Variants in TDP1 observed in about 807,000 individuals in gnomAD.
TDP1 encodes tyrosyl-DNA phosphodiesterase 1.
Under a neutral mutation model 81.5 loss-of-function variants are expected in TDP1, and 64 were observed. The observed-to-expected ratio is 0.79, with a 90% CI of 0.64 to 0.97. The LOEUF is 0.97. TDP1 is among the 50% of genes least tolerant of loss of function. The pLI, the probability that TDP1 is intolerant of heterozygous loss-of-function variation, is 0.00. For missense variants in TDP1, 723 were observed against 743.8 expected, an observed-to-expected ratio of 0.97 and a Z score of 0.33; for synonymous variants, 256 against 264.3, an observed-to-expected ratio of 0.97 and a Z score of 0.30.
intron 10 of TDP1, 44 bp downstream of exon 10, chr14:89,985,254 G>A (rs1020561268): frequency 2.7e-6 from 3 of 1,118,148 alleles, no homozygotes; most frequent in Admixed American, 3.8e-5. Context: ...AAAATTTAAT[G>A]TATATTCTCT....
rs1194905418 is a variant in TDP1 at position 89,971,261 on chromosome 14, C to G, written c.746C>G (p.Ser249Cys). Residue 249 changes from serine (S) to cysteine (C), a missense_variant, in exon 6 of 17, where the codon TCT becomes TGT. Physicochemically the swap from Ser to Cys is moderately radical, Grantham distance 112 (BLOSUM62 -1). Coordinates refer to ENST00000335725, the MANE Select transcript of TDP1 (RefSeq NM_018319.4). The part of the protein sequence containing the change: ...HAQAKPYENI[S>C]LCQAKLDIAF... ...CAGGCCAAGCCTTACGAGAACATCT[C>G]TCTCTGCCAGGTAAGCCACTTACTG... 1.2e-6 allele frequency: 2 copies of G among 1,613,946 alleles called. No individual in the cohort carries two copies. The highest frequency in any genetic ancestry group is 1.3e-5 in the African/African-American group (1 of 75,052).
intron 3 of TDP1, among the ~76,000 whole-genome samples, chr14:89,964,449 A>G (rs1892696861): frequency 6.6e-6 from 1 of 152,198 alleles, no homozygotes; most frequent in Non-Finnish European, 1.5e-5. Flanking sequence ...AAATGGGAGC[A>G]AATATATGAA....
At chr14:90,017,061 T>G (rs1379851901) in intron 14 of TDP1, among the ~76,000 whole-genome samples, 84 of 152,136 alleles carry the variant, frequency 5.5e-4, no homozygotes, top group Admixed American at 5.4e-3. Context: ...AAACGAGTTT[T>G]CAACAGAAGC....
chr14:90,021,580 A>G (rs1046889403), intron 15 of TDP1, among the ~76,000 whole-genome samples: 1 of 152,164 alleles, frequency 6.6e-6, no homozygotes, highest in African/African-American at 2.4e-5. Flanking sequence ...TACCCCAGAT[A>G]TTCTTTCTCT....
chr14:90,033,665 C>A (rs1213072480), intron 16 of TDP1: 1 of 210,940 alleles, frequency 4.7e-6, no homozygotes, highest in Non-Finnish European at 9.9e-6. Context: ...AGTACTGTTT[C>A]TACTGAATGC....
rs73326406 is a variant in TDP1 at position 89,982,364 on chromosome 14, A to G, written c.884+1732A>G. Among the ~76,000 whole-genome samples the G allele has an allele frequency of 6.0e-3, 908 of 152,312 alleles. 6 individuals are homozygous for G. Among genetic ancestry groups the G allele is most frequent in the African/African-American group, 0.021 (871 of 41,554 alleles). ...TGGTTAACTATGCCTTTGGTACCCC[A>G]AGAGCTTCTAAGCCAGTTCTCCTGA... On this transcript the variant is annotated intron_variant, in intron 8 of 16. Transcript: ENST00000335725.
intron 14 of TDP1, among the ~76,000 whole-genome samples, chr14:89,995,743 G>T (rs2140146437): frequency 6.6e-6 from 1 of 152,322 alleles, no homozygotes; most frequent in Admixed American, 6.5e-5. Context: ...TGTAGATGGA[G>T]ATTTCTTTTC....
chr14:90,028,505 T>C (rs1036370788), intron 15 of TDP1, among the ~76,000 whole-genome samples: 4 of 152,234 alleles, frequency 2.6e-5, no homozygotes, highest in African/African-American at 9.6e-5. Context: ...ATGTGTGATA[T>C]ATGTCCACCC....
intron 16 of TDP1, among the ~76,000 whole-genome samples, chr14:90,041,526 C>T (rs961881278): frequency 3.3e-5 from 5 of 152,184 alleles, no homozygotes; most frequent in African/African-American, 1.2e-4. Context: ...GAGAAGACAG[C>T]AGCAGATACC....
In TDP1 at chr14:89,963,623, G is replaced by C; in HGVS notation, c.509G>C (p.Arg170Thr). 6.2e-7 allele frequency: 1 copy of C among 1,614,120 alleles called. No individual in the cohort carries two copies. Among genetic ancestry groups the C allele is most frequent in the Non-Finnish European group, 8.5e-7 (1 of 1,179,992 alleles). ...KGNPFQFYLT[R>T]VSGVKPKYNS... is the part of the protein sequence containing the mutation. ...AACCCCTTCCAGTTTTACCTCACTA[G>C]AGTCTCTGGAGTTAAGCCAAAGTAT... Residue 170 changes from arginine (R) to threonine (T), a missense_variant, in exon 3 of 17, where the codon AGA becomes ACA. Arg to Thr is a moderately conservative substitution (Grantham distance 71). Transcript: ENST00000335725.
At chr14:90,018,432 G>A (rs1003430167) in intron 14 of TDP1, among the ~76,000 whole-genome samples, 1 of 152,084 alleles carries the variant, frequency 6.6e-6, no homozygotes, top group African/African-American at 2.4e-5. Context: ...CAAGTTCAGT[G>A]TCCAGTCTCC....
intron 10 of TDP1, among the ~76,000 whole-genome samples, chr14:89,987,526 C>T (rs1319693404): frequency 6.6e-6 from 1 of 152,182 alleles, no homozygotes; most frequent in Non-Finnish European, 1.5e-5. Context: ...GAATGGCACG[C>T]AGAGGAGGAA....
At chr14:89,962,617 A>G (rs1366061422) in intron 2 of TDP1, among the ~76,000 whole-genome samples, 2 of 152,038 alleles carry the variant, frequency 1.3e-5, no homozygotes, top group Non-Finnish European at 2.9e-5. Flanking sequence ...TAATCCCAGC[A>G]CTTTGGAAGG....
chr14:90,035,351 G>A (rs971545534), intron 16 of TDP1, among the ~76,000 whole-genome samples: 2 of 151,912 alleles, frequency 1.3e-5, no homozygotes, highest in African/African-American at 4.8e-5. Context: ...ATGCCTTTCT[G>A]TTGAGTCCTC....
intron 2 of TDP1, chr14:89,962,748 T>C: frequency 5.5e-6 from 1 of 182,598 alleles, no homozygotes; most frequent in Non-Finnish European, 1.0e-5. Context: ...GGCGTGCACC[T>C]GTAGTTCCAG....
chr14:90,020,814 T>TA (rs1885995930), intron 15 of TDP1, among the ~76,000 whole-genome samples: 1 of 142,288 alleles, frequency 7.0e-6, no homozygotes, highest in Admixed American at 7.0e-5. Flanking sequence ...TTTTTTTTTT[T>TA]AGACAGAGTC....
At chr14:90,010,519 T>C (rs978281109) in intron 14 of TDP1, among the ~76,000 whole-genome samples, 6 of 152,146 alleles carry the variant, frequency 3.9e-5, no homozygotes, top group African/African-American at 7.2e-5. Flanking sequence ...GGGGTGGTTA[T>C]TGGGGGAGGG....
intron 14 of TDP1, among the ~76,000 whole-genome samples, chr14:90,009,950 A>C (rs1884502296): frequency 6.6e-6 from 1 of 152,230 alleles, no homozygotes; most frequent in South Asian, 2.1e-4. Context: ...GGAAAAAAAA[A>C]CCTTAGCCTA....
intron 2 of TDP1, among the ~76,000 whole-genome samples, chr14:89,960,860 C>T (rs1028332452): frequency 1.3e-5 from 2 of 152,158 alleles, no homozygotes; most frequent in African/African-American, 2.4e-5. Context: ...TATTTCCAAC[C>T]CTCCCCTGCC....
Sources: allele counts gnomAD v4.1 joint callset (sites outside exome capture counted in the v4.1 genomes callset), GRCh38; gene constraint gnomAD v4.1.1; transcripts MANE v1.5; gene names NCBI Gene and HGNC (gene_info 2026-07-23, HGNC 2026-07-21).